Variants in UGT2A1 observed in about 807,000 individuals in gnomAD.
The protein encoded by UGT2A1 is UDP glucuronosyltransferase family 2 member A1 complex locus, also known as UDP-glucuronosyltransferase 2A1.
In UGT2A1, 61 loss-of-function variants were observed where a neutral mutation model predicts 45.4. The ratio of observed to expected loss-of-function variants is 1.34; its 90% CI spans 1.09 to 1.66. The LOEUF (loss-of-function observed/expected upper bound fraction) is 1.66, where lower values mean the gene tolerates loss of function less well. Among genes scored for constraint, UGT2A1 ranks in the 40% most tolerant of loss-of-function variants. The probability of loss-of-function intolerance (pLI) is 0.00; values close to 1 mark genes in which losing one functional copy is unlikely to be tolerated. For missense variants in UGT2A1, 649 were observed against 574.3 expected, an observed-to-expected ratio of 1.13 and a Z score of -1.33; for synonymous variants, 229 against 196.2, an observed-to-expected ratio of 1.17 and a Z score of -1.40.
chr4:69,633,616 G>T (rs756693681), intron 3 of UGT2A1, among the ~76,000 whole-genome samples: 1 of 152,162 alleles, frequency 6.6e-6, no homozygotes, highest in Non-Finnish European at 1.5e-5. Flanking sequence ...ATAGCTATAA[G>T]AATGAGCACA....
rs143026062 is a variant in UGT2A1, at chr4:69,589,397, A to G, written c.1559T>C (p.Ile520Thr). Residue 520 changes from isoleucine to threonine, a missense_variant, in exon 7 of 7, where the codon ATA (isoleucine) becomes ACA (threonine). Physicochemically the swap from Ile to Thr is moderately conservative, Grantham distance 89. Transcript: ENST00000286604. ...CTATTCTCTTTTTTTCTTCTTTCCT[A>G]TCTTACCAAATTTTTGACAGGAAAA... ...CLFSCQKFGK[I>T]GKKKKRE The G allele has an allele frequency of 1.9e-6, 3 of 1,612,928 alleles. No individual in the cohort carries two copies. The highest frequency in any genetic ancestry group is 1.7e-5 in the Admixed American group (1 of 59,808).
At chr4:69,619,711 T>C (rs1325801532) in intron 3 of UGT2A1, among the ~76,000 whole-genome samples, 1 of 151,858 alleles carries the variant, frequency 6.6e-6, no homozygotes, top group East Asian at 1.9e-4. Flanking sequence ...TAAAATAAAA[T>C]TCAGGCCAAC....
rs1279043800 is a variant in UGT2A1 at position 69,605,778 on chromosome 4, G to C, written c.848-6384C>G. Among the ~76,000 whole-genome samples, 3 of 137,048 alleles carry C rather than the reference G, an allele frequency of 2.2e-5. 1 individual carries two copies. Among genetic ancestry groups the C allele is most frequent in the Non-Finnish European group, 1.6e-5 (1 of 64,322 alleles). 89.9% of individuals were successfully genotyped at this position (137,048 alleles called of 152,430 possible). On this transcript the variant is annotated intron_variant, in intron 3 of 6. Transcript: ENST00000286604. ...CCCACAGAAATACAAAGTACCATCA[G>C]AGAATACTATAAACACCTCTACACA...
At chr4:69,603,936 T>G (rs1230097640) in intron 3 of UGT2A1, among the ~76,000 whole-genome samples, 10 of 134,940 alleles carry the variant, frequency 7.4e-5, no homozygotes, top group Admixed American at 1.5e-4. Flanking sequence ...CAAATCTACG[T>G]CTGATTGGTG....
chr4:69,644,498 A>G (rs774163460), intron 2 of UGT2A1, among the ~76,000 whole-genome samples: 2 of 151,718 alleles, frequency 1.3e-5, no homozygotes, highest in Non-Finnish European at 3.0e-5. Flanking sequence ...ACACCTGAGG[A>G]TATGAAGGAG....
At chr4:69,618,213 G>GTT (rs1340015123) in intron 3 of UGT2A1, among the ~76,000 whole-genome samples, 9 of 98,276 alleles carry the variant, frequency 9.2e-5, no homozygotes, top group East Asian at 3.7e-4. Context: ...GTGTGTGTGT[G>GTT]TGTATGTTTG....
chr4:69,648,662 C>T (rs1434348000), intron 1 of UGT2A1, among the ~76,000 whole-genome samples: 3 of 151,930 alleles, frequency 2.0e-5, no homozygotes. Flanking sequence ...GAATAATTTG[C>T]CATGTTCCTA....
At chr4:69,638,882 G>GA (rs1223572371) in intron 2 of UGT2A1, 4 of 1,540,126 alleles carry the variant, frequency 2.6e-6, no homozygotes, top group Admixed American at 2.1e-5. Flanking sequence ...ATTAAAAAGA[G>GA]AAAATTTTAG....
intron 1 of UGT2A1, among the ~76,000 whole-genome samples, chr4:69,648,908 T>C (rs926680928): frequency 2.0e-5 from 3 of 151,996 alleles, no homozygotes; most frequent in Non-Finnish European, 2.9e-5. Context: ...CTGGGATAGA[T>C]TGCCACATCA....
At chr4:69,629,157 AC>A (rs1304146838) in intron 3 of UGT2A1, among the ~76,000 whole-genome samples, 1 of 151,898 alleles carries the variant, frequency 6.6e-6, no homozygotes, top group East Asian at 1.9e-4. Flanking sequence ...TGATATTCAC[AC>A]ATGCTACTCT....
rs1722620961 is a variant in UGT2A1 at position 69,653,236 on chromosome 4, G to A, written c.-103C>T. ...AACAGCACTCATTTGACATTAGGAA[G>A]AAGCCGAATGTAAATAAATCCTAGG... On this transcript the variant is annotated 5_prime_UTR_variant, in exon 1 of 7. Transcript: ENST00000286604. The A allele has an allele frequency of 6.6e-6, 1 of 152,168 alleles. No individual in the cohort carries two copies. The highest frequency in any genetic ancestry group is 2.4e-5 in the African/African-American group (1 of 41,422). 9.4% of individuals were successfully genotyped at this position (152,168 alleles called of 1,614,324 possible).
intron 3 of UGT2A1, among the ~76,000 whole-genome samples, chr4:69,628,521 G>T (rs189382005): frequency 1.8e-3 from 273 of 151,426 alleles, no homozygotes; most frequent in African/African-American, 6.3e-3. Flanking sequence ...TTCAATAAAT[G>T]ATGCCAGAAA....
intron 3 of UGT2A1, among the ~76,000 whole-genome samples, chr4:69,610,456 T>C (rs1719966926): frequency 6.6e-6 from 1 of 152,186 alleles, no homozygotes; most frequent in African/African-American, 2.4e-5. Flanking sequence ...GTATTACAAA[T>C]ATTTTTTTCA....
At chr4:69,590,289 G>A (rs570945758) in intron 6 of UGT2A1, among the ~76,000 whole-genome samples, 1 of 152,162 alleles carries the variant, frequency 6.6e-6, no homozygotes, top group Non-Finnish European at 1.5e-5. Flanking sequence ...CCTAGAATTA[G>A]AGCTCTAAAT....
intron 3 of UGT2A1, among the ~76,000 whole-genome samples, chr4:69,623,227 G>A (rs1300680506): frequency 6.6e-6 from 1 of 151,692 alleles, no homozygotes; most frequent in Non-Finnish European, 1.5e-5. Context: ...TGATTGTACT[G>A]CATGCCAAGT....
chr4:69,607,883 C>G (rs921079544), intron 3 of UGT2A1, among the ~76,000 whole-genome samples: 17 of 152,148 alleles, frequency 1.1e-4, no homozygotes, highest in African/African-American at 3.6e-4. Context: ...CCATCTCACA[C>G]CAGTTAGAAT....
chr4:69,647,884 T>A, intron 1 of UGT2A1, 186 bp from the exon 2 acceptor site: 1 of 324,458 alleles, frequency 3.1e-6, no homozygotes, highest in Non-Finnish European at 5.6e-6. Context: ...AGTGTTTTAG[T>A]TATGATTCCT....
intron 2 of UGT2A1, chr4:69,638,944 G>T: frequency 6.2e-7 from 1 of 1,612,260 alleles, no homozygotes; most frequent in South Asian, 1.1e-5. Flanking sequence ...CAGTAGGACT[G>T]AAATATATAG....
intron 1 of UGT2A1, among the ~76,000 whole-genome samples, chr4:69,651,330 A>G (rs964551574): frequency 6.6e-6 from 1 of 152,178 alleles, no homozygotes; most frequent in Non-Finnish European, 1.5e-5. Flanking sequence ...TTTGAAAGAA[A>G]CACATTGTAT....
Sources: gnomAD v4.1 joint callset for allele counts (sites outside exome capture counted in the v4.1 genomes callset) on GRCh38, gnomAD v4.1.1 for gene constraint, MANE v1.5 for transcripts, NCBI Gene and HGNC (gene_info 2026-07-23, HGNC 2026-07-21) for gene names.